The following GRIK4 variants were observed in gnomAD, a reference collection of about 807,000 sequenced individuals.
The protein encoded by GRIK4 is glutamate ionotropic receptor kainate type subunit 4.
Under a neutral mutation model 104.9 loss-of-function variants are expected in GRIK4, and 40 were observed. That is an observed-to-expected ratio of 0.38 (90% CI 0.30 to 0.50). The LOEUF is 0.50. Ranked by LOEUF, GRIK4 falls within the 20% of genes least tolerant of loss-of-function variation. The probability of loss-of-function intolerance (pLI) is 0.93; values close to 1 mark genes in which losing one functional copy is unlikely to be tolerated. For missense variants in GRIK4, 1,047 were observed against 1,308.1 expected (o/e 0.80, Z 3.08); for synonymous variants, 485 against 524.9 (o/e 0.92, Z 1.04).
chr11:120,978,901 A>T (rs925922713), intron 19 of GRIK4, among the ~76,000 whole-genome samples: 2 of 152,230 alleles, frequency 1.3e-5, no homozygotes, highest in Non-Finnish European at 2.9e-5. Context: ...GTCAAGTGCT[A>T]ACAAAGGTCA....
chr11:120,818,855 G>A (rs1335928561), intron 5 of GRIK4, among the ~76,000 whole-genome samples: 1 of 152,184 alleles, frequency 6.6e-6, no homozygotes, highest in Non-Finnish European at 1.5e-5. Context: ...TATACACACT[G>A]ATATTCAGCT....
intron 1 of GRIK4, among the ~76,000 whole-genome samples, chr11:120,624,098 A>G (rs1011502304): frequency 3.3e-5 from 5 of 152,212 alleles, no homozygotes; most frequent in Admixed American, 2.0e-4. Context: ...CATAAACAAT[A>G]TGGAAAAGAG....
At chr11:120,792,439 C>A (rs1404770808) in intron 3 of GRIK4, among the ~76,000 whole-genome samples, 1 of 151,976 alleles carries the variant, frequency 6.6e-6, no homozygotes, top group Non-Finnish European at 1.5e-5. Flanking sequence ...AAAGCGCACA[C>A]TCTGGCAGCT....
At chr11:120,723,454 G>A (rs1315644937) in intron 3 of GRIK4, among the ~76,000 whole-genome samples, 1 of 152,150 alleles carries the variant, frequency 6.6e-6, no homozygotes, top group Non-Finnish European at 1.5e-5. Context: ...CAGAAGCCCT[G>A]GATCTGCCAT....
intron 13 of GRIK4, among the ~76,000 whole-genome samples, chr11:120,921,442 G>A (rs1394494879): frequency 6.6e-6 from 1 of 152,232 alleles, no homozygotes; most frequent in African/African-American, 2.4e-5. Context: ...CTGGAACAAA[G>A]AGCCCAATGC....
Position 120,842,559 on chromosome 11 carries a change from G to A in GRIK4, c.744+5715G>A, listed in dbSNP as rs549268879. ...CATCTATTTCATGTATACTAAAAAA[G>A]CAACTAGAATCCCAAGCCCTGGCTT... On this transcript the variant is annotated intron_variant, in intron 8 of 20. Coordinates refer to ENST00000527524, the MANE Select transcript of GRIK4 (RefSeq NM_014619.5). 4.5e-4 allele frequency among the ~76,000 whole-genome samples: 69 copies of A among 152,278 alleles called. 1 individual carries two copies. The highest frequency in any genetic ancestry group is 1.6e-3 in the African/African-American group (67 of 41,548).
chr11:120,657,466 G>A (rs1188708103), intron 2 of GRIK4, among the ~76,000 whole-genome samples: 1 of 152,198 alleles, frequency 6.6e-6, no homozygotes, highest in African/African-American at 2.4e-5. Context: ...TCTAGCAGGT[G>A]ATTGCTTGAG....
Position 120,524,705 on chromosome 11 carries a change from G to A in GRIK4, c.-159+12818G>A, listed in dbSNP as rs937796694. On this transcript the variant is annotated intron_variant, in intron 1 of 20. Transcript: ENST00000527524. The surrounding 1 kb of genome is among the most constrained non-coding windows in gnomAD (Gnocchi z 4.5). ...CTGCAGCTGCCATGAGTCAGGAGGA[G>A]GCTCTGGGAACATGGATTGGACCTG... 2.0e-5 allele frequency among the ~76,000 whole-genome samples: 3 copies of A among 152,208 alleles called. No homozygotes were observed. The highest frequency in any genetic ancestry group is 2.4e-5 in the African/African-American group (1 of 41,444).
chr11:120,664,579 A>C (rs911725784), intron 3 of GRIK4, among the ~76,000 whole-genome samples: 11 of 152,182 alleles, frequency 7.2e-5, no homozygotes, highest in African/African-American at 2.7e-4. Context: ...ACAGCTAGTG[A>C]AATTTGAACC....
intron 1 of GRIK4, among the ~76,000 whole-genome samples, chr11:120,521,774 G>T (rs895295864): frequency 1.4e-4 from 21 of 152,196 alleles, no homozygotes; most frequent in African/African-American, 5.1e-4. Context: ...GAGGTTAAAT[G>T]AATCCTAGAA....
intron 19 of GRIK4, among the ~76,000 whole-genome samples, chr11:120,972,447 GAGA>G (rs1163777315): frequency 4.6e-5 from 7 of 152,200 alleles, no homozygotes; most frequent in African/African-American, 1.7e-4. Flanking sequence ...TGATTTGCCA[GAGA>G]AGTATTTTGG....
rs759993885 is a variant in GRIK4, at chr11:120,874,162, T to G, written c.1003T>G (p.Cys335Gly). Reference protein sequence around the residue: ...SQEIGVKPLSCGSAQIWQHGT... With the variant: ...SQEIGVKPLSGGSAQIWQHGT... ...AGAGATCGGCGTGAAGCCCTTGTCC[T>G]GCGGCTCGGCCCAGATCTGGCAGCA... Residue 335 changes from cysteine (C) to glycine (G), a missense_variant, in exon 10 of 21, where the codon TGC (cysteine) becomes GGC (glycine). Coordinates refer to ENST00000527524, the MANE Select transcript of GRIK4 (RefSeq NM_014619.5). The G allele has an allele frequency of 6.2e-7, 1 of 1,613,808 alleles. No homozygotes were observed. Among genetic ancestry groups the G allele is most frequent in the Non-Finnish European group, 8.5e-7 (1 of 1,179,962 alleles).
chr11:120,732,065 T>C (rs1036188077), intron 3 of GRIK4, among the ~76,000 whole-genome samples: 2 of 152,190 alleles, frequency 1.3e-5, no homozygotes, highest in Non-Finnish European at 2.9e-5. Flanking sequence ...CTCTGATCTT[T>C]ATTTCTATTA....
At chr11:120,517,992 G>T (rs1947751492) in intron 1 of GRIK4, among the ~76,000 whole-genome samples, 2 of 152,206 alleles carry the variant, frequency 1.3e-5, no homozygotes, top group African/African-American at 4.8e-5. Context: ...AGGCGTGGAA[G>T]ATAGGGCACA....
rs182295830 is a variant in GRIK4, at chr11:120,937,491, G to A, written c.1477-2856G>A. Among the ~76,000 whole-genome samples the A allele has an allele frequency of 8.7e-3, 1,331 of 152,238 alleles. 13 individuals are homozygous for A. Among genetic ancestry groups the A allele is most frequent in the African/African-American group, 0.03 (1,249 of 41,522 alleles). ...ATAATATTAAATGCAAGAAACGACC[G>A]CCACAAACCTTTCATGGCTTCTTTC... On this transcript the variant is annotated intron_variant, in intron 13 of 20. Transcript: ENST00000527524.
At chr11:120,921,355 G>A (rs1276820747) in intron 13 of GRIK4, among the ~76,000 whole-genome samples, 1 of 152,202 alleles carries the variant, frequency 6.6e-6, no homozygotes, top group Non-Finnish European at 1.5e-5. Flanking sequence ...ACCAGGGGAT[G>A]GGTGGTTGGA....
At chr11:120,981,671 A>G (rs905548612) in intron 19 of GRIK4, among the ~76,000 whole-genome samples, 1 of 152,270 alleles carries the variant, frequency 6.6e-6, no homozygotes, top group African/African-American at 2.4e-5. Context: ...TGGTTTGGTC[A>G]AAACAGTTGC....
At chr11:120,971,767 G>A (rs1944479623) in intron 19 of GRIK4, among the ~76,000 whole-genome samples, 1 of 152,240 alleles carries the variant, frequency 6.6e-6, no homozygotes, top group African/African-American at 2.4e-5. Flanking sequence ...AGGGCACATG[G>A]CCTGGACCTG....
chr11:120,754,587 G>A (rs935660992), intron 3 of GRIK4, among the ~76,000 whole-genome samples: 9 of 152,072 alleles, frequency 5.9e-5, no homozygotes, highest in African/African-American at 1.2e-4. Flanking sequence ...ACATGTTTTC[G>A]ATTCTCTTGG....
Sources: allele counts gnomAD v4.1 joint callset (sites outside exome capture counted in the v4.1 genomes callset), GRCh38; gene constraint gnomAD v4.1.1; non-coding constraint Gnocchi (gnomAD v3.1); transcripts MANE v1.5; gene names NCBI Gene and HGNC (gene_info 2026-07-23, HGNC 2026-07-21).